The following PCDHGA7 variants were observed in gnomAD, a reference collection of about 807,000 sequenced individuals.
The protein encoded by PCDHGA7 is protocadherin gamma-A7.
In PCDHGA7, 44 loss-of-function variants were observed where a neutral mutation model predicts 58.3. The observed-to-expected ratio is 0.75, with a 90% confidence interval of 0.59 to 0.97. The LOEUF (loss-of-function observed/expected upper bound fraction) is 0.97. PCDHGA7 is among the 50% of genes least tolerant of loss of function. The pLI is 0.00. For synonymous variants in PCDHGA7, 516 were observed against 504.2 expected, an observed-to-expected ratio of 1.02 and a Z score of -0.31; for missense variants, 1,266 against 1,188.7, an observed-to-expected ratio of 1.06 and a Z score of -0.96.
intron 1 of PCDHGA7, chr5:141,441,665 A>ACAGTG (rs936537442): frequency 7.5e-6 from 2 of 265,720 alleles, no homozygotes; most frequent in African/African-American, 4.7e-5. Flanking sequence ...CCTTGAGCGC[A>ACAGTG]CAGTGCGCCT....
intron 3 of PCDHGA7, among the ~76,000 whole-genome samples, chr5:141,506,943 T>A (rs2099857373): frequency 6.6e-6 from 1 of 152,192 alleles, no homozygotes; most frequent in South Asian, 2.1e-4. Context: ...GGGCCTCCTG[T>A]CAATGAATCC....
chr5:141,393,472 C>T lies in PCDHGA7; in HGVS notation c.2424+8149C>T, dbSNP rs575533120. On this transcript the variant is annotated intron_variant, in intron 1 of 3. Coordinates refer to ENST00000518325, the MANE Select transcript of PCDHGA7 (RefSeq NM_018920.4). ...CTCACGGCCTCGGATGGCGGCAAGC[C>T]GCCTCGCTCTAGCACAGTGCGCATC... 3.5e-5 allele frequency: 57 copies of T among 1,614,022 alleles called. 2 individuals carry two copies. The South Asian group carries it at 4.2e-4, about 12-fold the overall frequency.
chr5:141,408,673 C>T (rs1397679515), intron 1 of PCDHGA7: 3 of 1,613,854 alleles, frequency 1.9e-6, no homozygotes, highest in Non-Finnish European at 2.5e-6. Flanking sequence ...TTGACCCTGC[C>T]ACGGATCCTG....
In PCDHGA7 at chr5:141,486,397, G is replaced by T; in HGVS notation, c.2425-8410G>T. 6.2e-7 allele frequency: 1 copy of T among 1,614,164 alleles called. No individual in the cohort carries two copies. Among genetic ancestry groups the T allele is most frequent in the East Asian group, 2.2e-5 (1 of 44,872 alleles). On this transcript the variant is annotated intron_variant, in intron 1 of 3. Coordinates refer to ENST00000518325, the MANE Select transcript of PCDHGA7 (RefSeq NM_018920.4). The surrounding 1 kb of genome is among the most constrained non-coding windows in gnomAD (Gnocchi z 5.0). ...CCTTCAGGAACCAGTTCTCCCTGGTGACTGCTGGACCCTTGGATCGAGAGG... is the reference window on the plus strand; with the variant it reads ...CCTTCAGGAACCAGTTCTCCCTGGTTACTGCTGGACCCTTGGATCGAGAGG...
intron 1 of PCDHGA7, among the ~76,000 whole-genome samples, chr5:141,402,587 T>C (rs2094282900): frequency 1.3e-5 from 2 of 152,228 alleles, no homozygotes; most frequent in Non-Finnish European, 2.9e-5. Flanking sequence ...ATCTAAAAAA[T>C]AGATTGCTTT....
chr5:141,435,334 T>A (rs1223377462), intron 1 of PCDHGA7, among the ~76,000 whole-genome samples: 1 of 152,196 alleles, frequency 6.6e-6, no homozygotes, highest in African/African-American at 2.4e-5. Flanking sequence ...ATATAGTGAA[T>A]TTATTTCTTC....
chr5:141,395,259 C>A, intron 1 of PCDHGA7: 1 of 1,551,968 alleles, frequency 6.4e-7, no homozygotes, highest in South Asian at 1.2e-5. Context: ...TCTTTGCTTG[C>A]TTTTAATTTC....
intron 1 of PCDHGA7, chr5:141,388,958 C>T (rs767426744): frequency 7.4e-6 from 12 of 1,613,930 alleles, no homozygotes; most frequent in East Asian, 2.2e-5. Context: ...TGGAGGACGC[C>T]GAGCTGGGAA....
Position 141,431,732 on chromosome 5 carries a change from G to C in PCDHGA7, c.2424+46409G>C. 1 of 1,614,238 alleles carries C rather than the reference G, an allele frequency of 6.2e-7. No individual in the cohort carries two copies. Among genetic ancestry groups the C allele is most frequent in the Non-Finnish European group, 8.5e-7 (1 of 1,180,046 alleles). On this transcript the variant is annotated intron_variant, in intron 1 of 3. Coordinates refer to ENST00000518325, the MANE Select transcript of PCDHGA7 (RefSeq NM_018920.4). The surrounding 1 kb of genome is among the most constrained non-coding windows in gnomAD (Gnocchi z 4.8). ...GATGGAAGTGCAAGCAATGGATAAT[G>C]CAGGATATTCTGCGCGAGCCAAAGT...
intron 1 of PCDHGA7, chr5:141,400,564 C>T: frequency 6.2e-7 from 1 of 1,612,936 alleles, no homozygotes; most frequent in South Asian, 1.1e-5. Context: ...ATTACCCACC[C>T]AATTTTCTGT....
At chr5:141,457,393 T>G (rs1299068071) in intron 1 of PCDHGA7, among the ~76,000 whole-genome samples, 1 of 152,228 alleles carries the variant, frequency 6.6e-6, no homozygotes, top group African/African-American at 2.4e-5. Flanking sequence ...AGCATATTGA[T>G]TCACATTTTC....
At chr5:141,426,581 CCT>C (rs898552856) in intron 1 of PCDHGA7, 1 of 358,350 alleles carries the variant, frequency 2.8e-6, no homozygotes, top group Non-Finnish European at 5.6e-6. Flanking sequence ...TCTTCAAAAT[CCT>C]CTGTGTCATA....
chr5:141,404,240 C>T, intron 1 of PCDHGA7: 1 of 1,613,660 alleles, frequency 6.2e-7, no homozygotes, highest in East Asian at 2.2e-5. Context: ...CAGAGGAACT[C>T]CGCCCCTGTC....
rs962136728 is a variant in PCDHGA7 at position 141,491,524 on chromosome 5, G to A, written c.2425-3283G>A. 1 of 1,613,960 alleles carries A rather than the reference G, an allele frequency of 6.2e-7. No homozygotes were observed. The highest frequency in any genetic ancestry group is 1.3e-5 in the African/African-American group (1 of 74,936). On this transcript the variant is annotated intron_variant, in intron 1 of 3. Coordinates refer to ENST00000518325, the MANE Select transcript of PCDHGA7 (RefSeq NM_018920.4). The surrounding 1 kb of genome is among the most constrained non-coding windows in gnomAD (Gnocchi z 6.9). ...GGACGGCACGCTCAAGTACATGGAG[G>A]TGACGCTGCGGCCCACAGACTCGCA...
In PCDHGA7 at chr5:141,489,684, T is replaced by C. The variant is rs2099690710; in HGVS notation, c.2425-5123T>C. 1.2e-6 allele frequency: 2 copies of C among 1,614,062 alleles called. No individual in the cohort carries two copies. The highest frequency in any genetic ancestry group is 8.5e-7 in the Non-Finnish European group (1 of 1,180,034). On this transcript the variant is annotated intron_variant, in intron 1 of 3. Coordinates refer to ENST00000518325, the MANE Select transcript of PCDHGA7 (RefSeq NM_018920.4). This position sits in a 1 kb window ranked among gnomAD's most constrained non-coding sequence, Gnocchi z 4.5. ...TGCGCATCTCAGAATCAGCAGCATCTGGGGCACGATTCCCACTGGACAGTG... is the reference window on the plus strand; with the variant it reads ...TGCGCATCTCAGAATCAGCAGCATCCGGGGCACGATTCCCACTGGACAGTG...
chr5:141,413,921 C>G, intron 1 of PCDHGA7: 2 of 1,613,360 alleles, frequency 1.2e-6, no homozygotes, highest in Middle Eastern at 1.6e-4. Flanking sequence ...TTCACCTTGC[C>G]AGAATACCGA....
At chr5:141,468,415 G>A (rs1040067190) in intron 1 of PCDHGA7, 5 of 151,704 alleles carry the variant, frequency 3.3e-5, no homozygotes, top group Non-Finnish European at 7.4e-5. Context: ...TAATAAGTTA[G>A]ATAGCAAGGT....
rs561053469 is a variant in PCDHGA7 at position 141,389,531 on chromosome 5, A to G, written c.2424+4208A>G. The G allele has an allele frequency of 5.0e-6, 8 of 1,613,210 alleles. No individual in the cohort carries two copies. In the East Asian group the frequency reaches 6.7e-5, roughly 13 times the overall value. On this transcript the variant is annotated intron_variant, in intron 1 of 3. Transcript: ENST00000518325. ...GCGCGAACGTGAGCCTGCGCGTGTT[A>G]GTGGACGACCGCAACGACAATGCGC...
chr5:141,507,263 T>C (rs755395344), intron 3 of PCDHGA7: 1 of 152,038 alleles, frequency 6.6e-6, no homozygotes, highest in Non-Finnish European at 1.5e-5. Flanking sequence ...AAACAGCAAG[T>C]ACTATTTCAG....
Sources: allele counts gnomAD v4.1 joint callset (sites outside exome capture counted in the v4.1 genomes callset), GRCh38; gene constraint gnomAD v4.1.1; non-coding constraint Gnocchi (gnomAD v3.1); transcripts MANE v1.5; gene names NCBI Gene and HGNC (gene_info 2026-07-23, HGNC 2026-07-21).